Variants in ODF4 observed in about 807,000 individuals in gnomAD.
The protein encoded by ODF4 is outer dense fiber of sperm tails 4.
A neutral mutation model predicts 17.0 loss-of-function variants in ODF4; 11 were observed. The observed-to-expected ratio is 0.65, with a 90% CI of 0.41 to 1.07. The LOEUF (loss-of-function observed/expected upper bound fraction) is 1.07, where lower values mean the gene tolerates loss of function less well. ODF4 is among the 50% of genes least tolerant of loss of function. The probability of loss-of-function intolerance (pLI) is 0.00; values close to 1 mark genes in which losing one functional copy is unlikely to be tolerated. For missense variants in ODF4, 281 were observed against 310.2 expected (o/e 0.91, Z 0.71); for synonymous variants, 127 against 121.8 (o/e 1.04, Z -0.28).
chr17:8,344,989 C>T (rs941854054), intron 1 of ODF4: 120 of 1,022,204 alleles, frequency 1.2e-4, no homozygotes, highest in Admixed American at 2.3e-4. Flanking sequence ...TACCTGCCCG[C>T]TGTTCAAAAA....
intron 1 of ODF4, among the ~76,000 whole-genome samples, chr17:8,341,996 C>T (rs1224312549): frequency 6.6e-6 from 1 of 152,042 alleles, no homozygotes; most frequent in Non-Finnish European, 1.5e-5. Flanking sequence ...GGATAATTAT[C>T]CCTATTTTAG....
Position 8,345,724 on chromosome 17 carries a change from A to C in ODF4, c.646A>C (p.Ser216Arg), listed in dbSNP as rs1906219775. 2 of 1,614,146 alleles carry C rather than the reference A, an allele frequency of 1.2e-6. No homozygotes were observed. The highest frequency in any genetic ancestry group is 2.2e-5 in the South Asian group (2 of 91,088). ...CTGGAGTCTGATTCTGAGCCACCCCAGTGGTGCCGTGTCCTGCAGCAGCAG... is the reference window on the plus strand; with the variant it reads ...CTGGAGTCTGATTCTGAGCCACCCCCGTGGTGCCGTGTCCTGCAGCAGCAG... ...SFWSLILSHP[S>R]GAVSCSSSFG... The change falls in exon 3 of 3, where the codon AGT becomes CGT. Residue 216 changes from serine to arginine, a missense_variant. Ser to Arg is a moderately radical substitution (Grantham distance 110). Coordinates refer to ENST00000328248, the MANE Select transcript of ODF4 (RefSeq NM_153007.5). The surrounding 1 kb of genome is among the most constrained non-coding windows in gnomAD (Gnocchi z 4.1).
At position 8,340,273 on chromosome 17, in the gene ODF4, C is replaced by T; in HGVS notation, c.222C>T (p.His74=). Residue 74 remains histidine (H), a synonymous_variant, in exon 1 of 3, where the codon CAC becomes CAT. Coordinates refer to ENST00000328248, the MANE Select transcript of ODF4 (RefSeq NM_153007.5). ...SPLPFQWRIT[H]SFRWMAQVLA... ...TGCCCTTTCAATGGAGAATCACACA[C>T]AGCTTCCGCTGGATGGCCCAGGTGT... 4 of 1,614,126 alleles carry T rather than the reference C, an allele frequency of 2.5e-6. No individual in the cohort carries two copies. The highest frequency in any genetic ancestry group is 2.2e-5 in the South Asian group (2 of 91,066).
Position 8,340,336 on chromosome 17 carries a change from A to G in ODF4, c.285A>G (p.Leu95=). 6.2e-7 allele frequency: 1 copy of G among 1,612,978 alleles called. No individual in the cohort carries two copies. The highest frequency in any genetic ancestry group is 1.1e-5 in the South Asian group (1 of 90,912). Residue 95 remains leucine, a synonymous_variant, in exon 1 of 3, where the codon CTA becomes CTG. Coordinates refer to ENST00000328248, the MANE Select transcript of ODF4 (RefSeq NM_153007.5). ...SELSLVAFIL[L]LVVAFSKKWL... ...TCAGCCTGGTTGCCTTTATCCTACT[A>G]TTGGTCGTGGCCTTCTCCAAGAAAT... is the stretch of plus-strand genomic sequence containing the variant.
In ODF4 at chr17:8,340,270, A is replaced by G. The variant is rs1905954356; in HGVS notation, c.219A>G (p.Thr73=). 1.2e-6 allele frequency: 2 copies of G among 1,614,124 alleles called. No individual in the cohort carries two copies. The highest frequency in any genetic ancestry group is 1.7e-6 in the Non-Finnish European group (2 of 1,179,988). The change falls in exon 1 of 3, where the codon ACA becomes ACG. Residue 73 remains threonine, a synonymous_variant. Coordinates refer to ENST00000328248, the MANE Select transcript of ODF4 (RefSeq NM_153007.5). The part of the protein sequence containing the change: ...NSPLPFQWRI[T]HSFRWMAQVL... ...CGCTGCCCTTTCAATGGAGAATCAC[A>G]CACAGCTTCCGCTGGATGGCCCAGG...
chr17:8,342,158 A>G (rs1358200995), intron 1 of ODF4, among the ~76,000 whole-genome samples: 1 of 152,162 alleles, frequency 6.6e-6, no homozygotes, highest in African/African-American at 2.4e-5. Context: ...GCAGGGTTGG[A>G]ATTGCAACTC....
intron 1 of ODF4, among the ~76,000 whole-genome samples, chr17:8,342,579 A>G (rs1357466288): frequency 6.6e-6 from 1 of 152,158 alleles, no homozygotes; most frequent in Non-Finnish European, 1.5e-5. Context: ...AAATTTATTT[A>G]ATTAGGATTA....
At chr17:8,341,052 T>C (rs1397910080) in intron 1 of ODF4, among the ~76,000 whole-genome samples, 1 of 151,930 alleles carries the variant, frequency 6.6e-6, no homozygotes, top group African/African-American at 2.4e-5. Flanking sequence ...TAGCCAGGCG[T>C]GGTGGCACAT....
In ODF4 at chr17:8,345,692, A is replaced by T. The variant is rs371878196; in HGVS notation, c.614A>T (p.Lys205Ile). ...TCAILCYFNH[K>I]SFWSLILSHP... The stretch of plus-strand genomic sequence containing the variant: ...GCGATCCTTTGCTACTTCAACCATA[A>T]AAGTTTCTGGAGTCTGATTCTGAGC... The change falls in exon 3 of 3, where the codon AAA (lysine) becomes ATA (isoleucine). Residue 205 changes from lysine (K) to isoleucine (I), a missense_variant. By Grantham distance (102) the Lys-to-Ile change is moderately radical. Coordinates refer to ENST00000328248, the MANE Select transcript of ODF4 (RefSeq NM_153007.5). The surrounding 1 kb of genome is among the most constrained non-coding windows in gnomAD (Gnocchi z 4.1). The T allele has an allele frequency of 6.2e-6, 10 of 1,614,064 alleles. No homozygotes were observed. The East Asian group carries it at 2.0e-4, about 32-fold the overall frequency.
In ODF4 at chr17:8,339,974, G is replaced by T. The variant is rs1419860803; in HGVS notation, c.-78G>T. 2.1e-6 allele frequency: 2 copies of T among 958,682 alleles called. No individual in the cohort carries two copies. The highest frequency in any genetic ancestry group is 6.1e-5 in the Admixed American group (2 of 32,606). The allele number at this position is 958,682 out of a possible 1,614,324, so 59.4% of individuals were successfully genotyped here. On this transcript the variant is annotated 5_prime_UTR_variant, in exon 1 of 3. The change abolishes an upstream ATG in the 5' untranslated region. Coordinates refer to ENST00000328248, the MANE Select transcript of ODF4 (RefSeq NM_153007.5). The stretch of plus-strand genomic sequence containing the variant: ...CTCAGGCTGCATGGTGGCAGCTGAT[G>T]AAAATATCCAAAAGATGAGAAGAGA...
chr17:8,340,297 G>T lies in ODF4; in HGVS notation c.246G>T (p.Val82=), dbSNP rs757238310. The change falls in exon 1 of 3, where the codon GTG becomes GTT. Residue 82 remains valine, a synonymous_variant. Transcript: ENST00000328248. ...ACAGCTTCCGCTGGATGGCCCAGGT[G>T]TTGGCCTCTGAGCTCAGCCTGGTTG... ...ITHSFRWMAQ[V]LASELSLVAF... The T allele has an allele frequency of 2.5e-6, 4 of 1,613,856 alleles. No homozygotes were observed. Among genetic ancestry groups the T allele is most frequent in the Non-Finnish European group, 3.4e-6 (4 of 1,179,880 alleles).
Position 8,340,461 on chromosome 17 carries a change from A to T in ODF4, c.410A>T (p.His137Leu). ...SAHVMSMGLL[H>L]FYKSRSCSDL... is the part of the protein sequence containing the mutation. ...CACGTTATGTCCATGGGGCTCCTGC[A>T]CTTTTACAAATCCAGGAGCTGTTCT... Residue 137 changes from histidine to leucine, a missense_variant, in exon 1 of 3, where the codon CAC becomes CTC. His to Leu is a moderately conservative substitution (Grantham distance 99). Transcript: ENST00000328248. 6.2e-7 allele frequency: 1 copy of T among 1,613,650 alleles called. No homozygotes were observed. The highest frequency in any genetic ancestry group is 8.5e-7 in the Non-Finnish European group (1 of 1,179,926).
intron 1 of ODF4, among the ~76,000 whole-genome samples, chr17:8,341,973 T>C (rs59204596): frequency 0.35 from 52,641 of 151,932 alleles, 9,470 homozygotes; most frequent in African/African-American, 0.45. Flanking sequence ...CCTTAGTCAA[T>C]CCTAAGGGAT....
At position 8,340,410 on chromosome 17, in the gene ODF4, T is replaced by C; in HGVS notation, c.359T>C (p.Val120Ala). 6.2e-7 allele frequency: 1 copy of C among 1,613,548 alleles called. No individual in the cohort carries two copies. The highest frequency in any genetic ancestry group is 8.5e-7 in the Non-Finnish European group (1 of 1,179,526). The change falls in exon 1 of 3, where the codon GTC (valine) becomes GCC (alanine). Residue 120 changes from valine to alanine, a missense_variant. Physicochemically the swap from Val to Ala is moderately conservative, Grantham distance 64 (BLOSUM62 0). Coordinates refer to ENST00000328248, the MANE Select transcript of ODF4 (RefSeq NM_153007.5). ...SLFYQRWPVD[V>A]SNRIHTSAHV... Reference sequence around the variant, plus strand: ...TTCTACCAGCGCTGGCCCGTGGATGTCAGCAACAGAATCCACACATCAGCC... The same window carrying C: ...TTCTACCAGCGCTGGCCCGTGGATGCCAGCAACAGAATCCACACATCAGCC...
Position 8,345,321 on chromosome 17 carries a change from C to A in ODF4, c.455-22C>A. 6.2e-7 allele frequency: 1 copy of A among 1,607,646 alleles called. No individual in the cohort carries two copies. The highest frequency in any genetic ancestry group is 8.5e-7 in the Non-Finnish European group (1 of 1,176,018). ...GTGGGACTCTTGTATGACAATGAGA[C>A]CCTCTGCCTCCTGTCTCCTAGTCAC... On this transcript the variant is annotated intron_variant, in intron 1 of 2. Coordinates refer to ENST00000328248, the MANE Select transcript of ODF4 (RefSeq NM_153007.5). This position sits in a 1 kb window ranked among gnomAD's most constrained non-coding sequence, Gnocchi z 4.1.
chr17:8,345,857 T>C lies in ODF4; in HGVS notation c.*5T>C. Reference sequence around the variant, plus strand: ...CAGAAGGATACACATGTGTAATCTTTTCTGAACTCCTGGCACCAAGTTCTG... The same window carrying C: ...CAGAAGGATACACATGTGTAATCTTCTCTGAACTCCTGGCACCAAGTTCTG... On this transcript the variant is annotated 3_prime_UTR_variant, in exon 3 of 3. Coordinates refer to ENST00000328248, the MANE Select transcript of ODF4 (RefSeq NM_153007.5). This position sits in a 1 kb window ranked among gnomAD's most constrained non-coding sequence, Gnocchi z 4.1. The C allele has an allele frequency of 1.2e-6, 2 of 1,611,810 alleles. No individual in the cohort carries two copies. Among genetic ancestry groups the C allele is most frequent in the Non-Finnish European group, 1.7e-6 (2 of 1,178,180 alleles).
chr17:8,343,474 T>C lies in ODF4; in HGVS notation c.455-1869T>C. On this transcript the variant is annotated intron_variant, in intron 1 of 2. Transcript: ENST00000328248. ...TGCAAAGAAGATTCCTGTACTGAGA[T>C]TTTGCTGCAGATCTCTGATTATTCC... 1.6e-5 allele frequency among the ~76,000 whole-genome samples: 2 copies of C among 126,524 alleles called. 1 individual carries two copies. The highest frequency in any genetic ancestry group is 3.4e-5 in the Non-Finnish European group (2 of 59,336). The allele number at this position is 126,524 out of a possible 152,430, so 83.0% of individuals were successfully genotyped here. A position where few individuals can be genotyped will look rare whatever the true frequency, so the allele number is the denominator to read the frequency against.
chr17:8,345,016 T>TGGG lies in ODF4; in HGVS notation c.455-327_455-326insGGG, dbSNP rs1555549538. ...GTTCAAAAATTGCCCTTTGTGGGCT[T>TGGG]CGGGACCATCTTGAGCTTCTGTGAA... On this transcript the variant is annotated intron_variant, in intron 1 of 2. Transcript: ENST00000328248. The surrounding 1 kb of genome is among the most constrained non-coding windows in gnomAD (Gnocchi z 4.1). 3 of 937,870 alleles carry TGGG rather than the reference T, an allele frequency of 3.2e-6. No homozygotes were observed. The highest frequency in any genetic ancestry group is 3.6e-6 in the Non-Finnish European group (3 of 827,484). 58.1% of individuals were successfully genotyped at this position (937,870 alleles called of 1,614,324 possible). A position where few individuals can be genotyped will look rare whatever the true frequency, so the allele number is the denominator to read the frequency against.
chr17:8,341,814 A>G (rs920707459), intron 1 of ODF4, among the ~76,000 whole-genome samples: 5 of 152,096 alleles, frequency 3.3e-5, no homozygotes, highest in African/African-American at 7.2e-5. Context: ...TTATTTTCTG[A>G]AAGTATTATG....
Sources: allele counts gnomAD v4.1 joint callset (sites outside exome capture counted in the v4.1 genomes callset), GRCh38; gene constraint gnomAD v4.1.1; non-coding constraint Gnocchi (gnomAD v3.1); transcripts MANE v1.5; gene names NCBI Gene and HGNC (gene_info 2026-07-23, HGNC 2026-07-21).